Variants in PRRC2B observed in about 807,000 individuals in gnomAD.
PRRC2B encodes proline rich coiled-coil 2B.
In PRRC2B, 68 loss-of-function variants were observed where a neutral mutation model predicts 242.3. The ratio of observed to expected loss-of-function variants is 0.28; its 90% CI spans 0.23 to 0.34. The LOEUF (loss-of-function observed/expected upper bound fraction) is 0.34, where lower values mean the gene tolerates loss of function less well. PRRC2B is among the 10% of genes least tolerant of loss of function. The pLI is 1.00. For synonymous variants in PRRC2B, 1,228 were observed against 1,173.6 expected, an observed-to-expected ratio of 1.05 and a Z score of -0.95; for missense variants, 2,835 against 2,954.8, an observed-to-expected ratio of 0.96 and a Z score of 0.94.
chr9:131,375,703 G>A (rs1836674723), intron 1 of PRRC2B, among the ~76,000 whole-genome samples: 2 of 152,120 alleles, frequency 1.3e-5, no homozygotes, highest in South Asian at 4.1e-4. Context: ...CTGAGACTCA[G>A]TTTCCTCCTC....
At chr9:131,376,720 C>T (rs1369471235) in intron 1 of PRRC2B, among the ~76,000 whole-genome samples, 1 of 151,992 alleles carries the variant, frequency 6.6e-6, no homozygotes. Flanking sequence ...GTGTGGGAGA[C>T]AAAAAAATAA....
intron 28 of PRRC2B, chr9:131,490,771 T>A (rs1944169117): frequency 5.5e-6 from 2 of 366,658 alleles, no homozygotes; most frequent in Admixed American, 7.0e-5. Context: ...TGCAAAACAG[T>A]AAGAGTCTTG....
intron 13 of PRRC2B, among the ~76,000 whole-genome samples, chr9:131,470,363 A>G (rs1340292245): frequency 1.3e-5 from 2 of 152,116 alleles, no homozygotes; most frequent in Non-Finnish European, 2.9e-5. Context: ...AGGATGGAAA[A>G]TGGATTGAAG....
intron 13 of PRRC2B, 65 bp downstream of exon 13, chr9:131,467,818 T>G: frequency 6.5e-7 from 1 of 1,529,888 alleles, no homozygotes; most frequent in South Asian, 1.2e-5. Flanking sequence ...ATGTTTCCCC[T>G]CCTCGTCCCC....
At chr9:131,415,956 C>G (rs1837636677) in intron 1 of PRRC2B, among the ~76,000 whole-genome samples, 1 of 151,974 alleles carries the variant, frequency 6.6e-6, no homozygotes, top group South Asian at 2.1e-4. Context: ...CTCCTTCCCC[C>G]CACCCCACCC....
Position 131,482,151 on chromosome 9 carries a change from G to A in PRRC2B, c.4984-220G>A, listed in dbSNP as rs565053117. ...ATGGGTTTGGCAGCCTCGGTCTGGG[G>A]CCCATAGAAGATCCTGTGGTCACGA... is the stretch of plus-strand genomic sequence containing the variant. On this transcript the variant is annotated intron_variant, in intron 20 of 31. Transcript: ENST00000683519. This position sits in a 1 kb window ranked among gnomAD's most constrained non-coding sequence, Gnocchi z 5.2. Among the ~76,000 whole-genome samples the A allele has an allele frequency of 3.9e-5, 6 of 152,326 alleles. No homozygotes were observed. The South Asian group carries it at 1.2e-3, about 32-fold the overall frequency.
At chr9:131,460,113 T>C (rs1347414534) in intron 11 of PRRC2B, among the ~76,000 whole-genome samples, 1 of 152,226 alleles carries the variant, frequency 6.6e-6, no homozygotes, top group Non-Finnish European at 1.5e-5. Context: ...CTTTACACTG[T>C]GGTACTTGTT....
chr9:131,412,939 G>A (rs1439092497), intron 1 of PRRC2B, among the ~76,000 whole-genome samples: 1 of 151,868 alleles, frequency 6.6e-6, no homozygotes, highest in Non-Finnish European at 1.5e-5. Flanking sequence ...GATTATAGGT[G>A]TAAAAAGTAA....
chr9:131,397,297 C>T (rs564820801), intron 1 of PRRC2B, among the ~76,000 whole-genome samples: 5 of 152,320 alleles, frequency 3.3e-5, no homozygotes, highest in African/African-American at 1.2e-4. Flanking sequence ...GTGGGCGTCC[C>T]ATCTCGTACA....
intron 10 of PRRC2B, among the ~76,000 whole-genome samples, chr9:131,456,995 A>G (rs889854525): frequency 6.6e-6 from 1 of 152,006 alleles, no homozygotes; most frequent in Non-Finnish European, 1.5e-5. Context: ...TCTTGCAAAT[A>G]TTTTTCTCTG....
At chr9:131,399,802 T>A (rs1325925851) in intron 1 of PRRC2B, among the ~76,000 whole-genome samples, 1 of 152,194 alleles carries the variant, frequency 6.6e-6, no homozygotes, top group African/African-American at 2.4e-5. Flanking sequence ...TACGTTATTT[T>A]TATAATTATA....
At chr9:131,439,127 A>G in intron 5 of PRRC2B, 66 bp downstream of exon 5, 1 of 1,423,026 alleles carries the variant, frequency 7.0e-7, no homozygotes, top group South Asian at 1.2e-5. Flanking sequence ...CCTTTTCCAG[A>G]ATGTCTGGTT....
intron 3 of PRRC2B, among the ~76,000 whole-genome samples, chr9:131,433,467 G>A (rs1218299537): frequency 6.6e-6 from 1 of 152,206 alleles, no homozygotes; most frequent in Non-Finnish European, 1.5e-5. Context: ...CACAGGGCCT[G>A]GCTGCCTGGG....
intron 1 of PRRC2B, among the ~76,000 whole-genome samples, chr9:131,404,363 G>A (rs1341025536): frequency 2.0e-5 from 3 of 151,936 alleles, no homozygotes; most frequent in African/African-American, 4.8e-5. Context: ...GGGATTACAG[G>A]CATCCGCCAC....
rs1316760656 is a variant in PRRC2B at position 131,474,804 on chromosome 9, G to A, written c.2675G>A (p.Arg892Gln). Residue 892 changes from arginine to glutamine, a missense_variant, in exon 16 of 32, where the codon CGG (arginine) becomes CAG (glutamine). Arg to Gln is a conservative substitution (Grantham distance 43). Coordinates refer to ENST00000683519, the MANE Select transcript of PRRC2B (RefSeq NM_013318.4). Reference protein sequence around the residue: ...TAHGVERETPREGTAFNISSW... With the variant: ...TAHGVERETPQEGTAFNISSW... ...CATGGTGTTGAGCGGGAGACACCCC[G>A]GGAGGGGACGGCCTTTAACATCTCC... 2.5e-6 allele frequency: 4 copies of A among 1,612,258 alleles called. No individual in the cohort carries two copies. The highest frequency in any genetic ancestry group is 3.4e-6 in the Non-Finnish European group (4 of 1,179,678).
chr9:131,461,557 T>A (rs548584529), intron 11 of PRRC2B, among the ~76,000 whole-genome samples: 3 of 152,302 alleles, frequency 2.0e-5, no homozygotes, highest in African/African-American at 7.2e-5. Context: ...TATTATTGTT[T>A]TTGGAGATGG....
intron 11 of PRRC2B, among the ~76,000 whole-genome samples, chr9:131,460,936 C>G (rs758665733): frequency 6.6e-6 from 1 of 152,170 alleles, no homozygotes; most frequent in Non-Finnish European, 1.5e-5. Context: ...CCTCAGCGGA[C>G]AGTTGCGGGG....
At position 131,379,125 on chromosome 9, in the gene PRRC2B, C is replaced by T. The variant is rs112468389; in HGVS notation, c.-56+5394C>T. Among the ~76,000 whole-genome samples the T allele has an allele frequency of 2.5e-3, 375 of 152,262 alleles. 4 individuals carry two copies. Among genetic ancestry groups the T allele is most frequent in the African/African-American group, 8.6e-3 (357 of 41,550 alleles). On this transcript the variant is annotated intron_variant, in intron 1 of 1. Coordinates refer to the PRRC2B transcript ENST00000682525. The stretch of plus-strand genomic sequence containing the variant: ...GTTCAGCTTCTTTCCCTTAGCATAA[C>T]GCCTTTCAGCTTCATCCATGTGGTA...
intron 25 of PRRC2B, among the ~76,000 whole-genome samples, 183 bp downstream of exon 25, chr9:131,485,323 C>G (rs887171620): frequency 6.6e-6 from 1 of 152,198 alleles, no homozygotes; most frequent in African/African-American, 2.4e-5. Context: ...GTCCTGCTTC[C>G]CCACGCTGGG....
Sources: gnomAD v4.1 joint callset for allele counts (sites outside exome capture counted in the v4.1 genomes callset) on GRCh38, gnomAD v4.1.1 for gene constraint, Gnocchi (gnomAD v3.1) non-coding constraint, MANE v1.5 for transcripts, NCBI Gene and HGNC (gene_info 2026-07-23, HGNC 2026-07-21) for gene names.